CCDC171: variants seen among roughly 807,000 people sequenced by gnomAD.
CCDC171 encodes the protein coiled-coil domain-containing protein 171.
In CCDC171, 177 loss-of-function variants were observed where a neutral mutation model predicts 168.2. The ratio of observed to expected loss-of-function variants is 1.05; its 90% CI spans 0.93 to 1.19. The LOEUF (loss-of-function observed/expected upper bound fraction) is 1.19. CCDC171 is among the 50% of genes most tolerant of loss of function. CCDC171 has a pLI of 0.00. For synonymous variants in CCDC171, 687 were observed against 540.8 expected, an observed-to-expected ratio of 1.27 and a Z score of -3.75; for missense variants, 1,991 against 1,539.0, an observed-to-expected ratio of 1.29 and a Z score of -4.91.
chr9:15,885,003 C>G (rs546256504), intron 24 of CCDC171, among the ~76,000 whole-genome samples: 2 of 152,268 alleles, frequency 1.3e-5, no homozygotes, highest in Admixed American at 6.5e-5. Context: ...GTTAAGTATA[C>G]AGCCATTGCC....
intron 3 of CCDC171, among the ~76,000 whole-genome samples, chr9:16,018,085 G>C (rs1401537466): frequency 6.6e-6 from 1 of 152,062 alleles, no homozygotes; most frequent in East Asian, 1.9e-4. Flanking sequence ...GATTTTTTTA[G>C]CTTCTACAGT....
the CCDC171 span, among the ~76,000 whole-genome samples, chr9:16,100,011 A>G: frequency 2.0e-5 from 3 of 152,006 alleles, no homozygotes; most frequent in African/African-American, 4.8e-5. Context: ...GTTAAAAAAA[A>G]AAAAAGAAAA....
intron 16 of CCDC171, among the ~76,000 whole-genome samples, chr9:15,733,905 C>CTGTA (rs1417363545): frequency 6.6e-6 from 1 of 152,096 alleles, no homozygotes; most frequent in African/African-American, 2.4e-5. Flanking sequence ...GTAGCTGGGA[C>CTGTA]TGTAGGCATG....
At chr9:16,101,760 A>G in the CCDC171 span, among the ~76,000 whole-genome samples, 1 of 152,206 alleles carries the variant, frequency 6.6e-6, no homozygotes, top group Non-Finnish European at 1.5e-5. Context: ...CCTAGGAGCT[A>G]AGAATAGCCT....
chr9:15,932,237 C>T (rs1362069353), intron 25 of CCDC171, among the ~76,000 whole-genome samples: 1 of 151,876 alleles, frequency 6.6e-6, no homozygotes, highest in Non-Finnish European at 1.5e-5. Flanking sequence ...TCTTCCAATC[C>T]ATGAACATGG....
intron 21 of CCDC171, among the ~76,000 whole-genome samples, chr9:15,827,976 T>A (rs930574484): frequency 1.3e-5 from 2 of 152,198 alleles, no homozygotes; most frequent in African/African-American, 4.8e-5. Context: ...GGACCTTTCT[T>A]TCTTAGAAGT....
intron 7 of CCDC171, among the ~76,000 whole-genome samples, chr9:15,648,303 C>A (rs1488088965): frequency 6.6e-6 from 1 of 152,158 alleles, no homozygotes; most frequent in African/African-American, 2.4e-5. Flanking sequence ...ACTGAATGAG[C>A]AAAAACTGGA....
At chr9:16,099,902 C>A in the CCDC171 span, among the ~76,000 whole-genome samples, 30 of 152,182 alleles carry the variant, frequency 2.0e-4, no homozygotes, top group Middle Eastern at 3.4e-3. Flanking sequence ...GACATCCACC[C>A]ACCCTCTCAC....
At chr9:15,781,704 C>T (rs1488853112) in intron 20 of CCDC171, among the ~76,000 whole-genome samples, 1 of 152,170 alleles carries the variant, frequency 6.6e-6, no homozygotes, top group Admixed American at 6.5e-5. Flanking sequence ...TGAGCCACCA[C>T]ACCTGGCCAG....
At chr9:16,086,873 T>C in the CCDC171 span, among the ~76,000 whole-genome samples, 1 of 152,252 alleles carries the variant, frequency 6.6e-6, no homozygotes, top group Non-Finnish European at 1.5e-5. Context: ...CATTTAGTGC[T>C]ATAAATTTCC....
rs557289108 is a variant in CCDC171, at chr9:15,860,830, T to C, written c.3468+11883T>C. On this transcript the variant is annotated intron_variant, in intron 23 of 25. Coordinates refer to ENST00000380701, the MANE Select transcript of CCDC171 (RefSeq NM_173550.4). Reference sequence around the variant, plus strand: ...TTCTGACTGGTTGTTCTCCCCGTTATTGGAAGTGGGGTAATGAAGTCTCCT... The same window carrying C: ...TTCTGACTGGTTGTTCTCCCCGTTACTGGAAGTGGGGTAATGAAGTCTCCT... 2.0e-5 allele frequency among the ~76,000 whole-genome samples: 3 copies of C among 151,992 alleles called. No homozygotes were observed. In the South Asian group the frequency reaches 6.2e-4, roughly 32 times the overall value.
At chr9:15,700,648 T>TA (rs938914309) in intron 11 of CCDC171, among the ~76,000 whole-genome samples, 1 of 152,120 alleles carries the variant, frequency 6.6e-6, no homozygotes, top group Admixed American at 6.5e-5. Flanking sequence ...TTATTTTTTT[T>TA]ATTTTGTATT....
At chr9:16,072,993 T>C in the CCDC171 span, among the ~76,000 whole-genome samples, 1 of 152,280 alleles carries the variant, frequency 6.6e-6, no homozygotes, top group Non-Finnish European at 1.5e-5. Context: ...TTAATATCTG[T>C]CCACATGTCC....
At chr9:15,634,722 A>G (rs1416925317) in intron 7 of CCDC171, among the ~76,000 whole-genome samples, 2 of 152,220 alleles carry the variant, frequency 1.3e-5, no homozygotes, top group Non-Finnish European at 2.9e-5. Flanking sequence ...TATTCACAGC[A>G]TTGTGCAACC....
the CCDC171 span, among the ~76,000 whole-genome samples, chr9:16,095,557 G>T: frequency 6.6e-5 from 10 of 150,662 alleles, no homozygotes; most frequent in Admixed American, 2.0e-4. Context: ...TCTCTCTCTC[G>T]CGCACACACA....
intron 6 of CCDC171, among the ~76,000 whole-genome samples, chr9:16,027,753 G>T (rs1307808451): frequency 6.6e-6 from 1 of 152,176 alleles, no homozygotes; most frequent in Non-Finnish European, 1.5e-5. Context: ...AGTCAAGGGC[G>T]AACAGGGACG....
chr9:16,029,844 C>T (rs1490978467), intron 6 of CCDC171, among the ~76,000 whole-genome samples: 2 of 152,190 alleles, frequency 1.3e-5, no homozygotes, highest in African/African-American at 2.4e-5. Context: ...TGGACCATAG[C>T]TCCTTGCCAA....
intron 7 of CCDC171, among the ~76,000 whole-genome samples, chr9:15,651,825 GTTGTTTGT>G (rs151208170): frequency 6.2e-4 from 95 of 152,062 alleles, no homozygotes; most frequent in African/African-American, 8.2e-4. Flanking sequence ...TTTCTATGAA[GTTGTTTGT>G]TTGTTTGTTT....
At position 15,783,776 on chromosome 9, in the gene CCDC171, A is replaced by G. The variant is rs577867283; in HGVS notation, c.3082-733A>G. Among the ~76,000 whole-genome samples the G allele has an allele frequency of 1.1e-3, 174 of 152,310 alleles. 1 individual carries two copies. Among genetic ancestry groups the G allele is most frequent in the Middle Eastern group, 3.4e-3 (1 of 294 alleles). ...CTGTGCCCTCCAAAGCAGTCATGATATTGTAAAAACCATGTTGTGTGTTAT... is the reference window on the plus strand; with the variant it reads ...CTGTGCCCTCCAAAGCAGTCATGATGTTGTAAAAACCATGTTGTGTGTTAT... On this transcript the variant is annotated intron_variant, in intron 20 of 25. Coordinates refer to ENST00000380701, the MANE Select transcript of CCDC171 (RefSeq NM_173550.4).
Sources: gnomAD v4.1 joint callset for allele counts (sites outside exome capture counted in the v4.1 genomes callset) on GRCh38, gnomAD v4.1.1 for gene constraint, MANE v1.5 for transcripts, NCBI Gene and HGNC (gene_info 2026-07-23, HGNC 2026-07-21) for gene names.